MSH3: variants seen among roughly 807,000 people sequenced by gnomAD.
MSH3 encodes DNA mismatch repair protein Msh3.
A neutral mutation model predicts 123.3 loss-of-function variants in MSH3; 106 were observed. That is an observed-to-expected ratio of 0.86 (90% confidence interval 0.73 to 1.01). MSH3 has a LOEUF of 1.01. Ranked by LOEUF, MSH3 falls within the 50% of genes least tolerant of loss-of-function variation. MSH3 has a pLI of 0.00. For missense variants in MSH3, 1,459 were observed against 1,347.6 expected (o/e 1.08, Z -1.29); for synonymous variants, 515 against 481.4 (o/e 1.07, Z -0.91).
intron 2 of MSH3, among the ~76,000 whole-genome samples, chr5:80,659,182 C>G (rs185688058): frequency 1.3e-5 from 2 of 150,954 alleles, no homozygotes; most frequent in East Asian, 3.9e-4. Flanking sequence ...TGTAGTGAGC[C>G]GAGATCGTGC....
intron 20 of MSH3, among the ~76,000 whole-genome samples, chr5:80,826,510 A>G (rs775318446): frequency 2.6e-5 from 4 of 152,082 alleles, no homozygotes; most frequent in Non-Finnish European, 4.4e-5. Context: ...AAGAAGAAGT[A>G]AATGGATGAA....
At chr5:80,849,159 C>T (rs935777759) in intron 20 of MSH3, among the ~76,000 whole-genome samples, 1 of 152,220 alleles carries the variant, frequency 6.6e-6, no homozygotes, top group African/African-American at 2.4e-5. Context: ...CCATGCCTCA[C>T]ATCCAGGTCA....
chr5:80,678,435 T>C (rs1416220256), intron 7 of MSH3, among the ~76,000 whole-genome samples: 1 of 152,274 alleles, frequency 6.6e-6, no homozygotes, highest in Non-Finnish European at 1.5e-5. Context: ...GTTACTTTGA[T>C]GTATGAAGTA....
At chr5:80,699,123 A>G (rs912229265) in intron 8 of MSH3, among the ~76,000 whole-genome samples, 4 of 152,320 alleles carry the variant, frequency 2.6e-5, no homozygotes, top group African/African-American at 9.6e-5. Flanking sequence ...AGCACCTATC[A>G]AAGTAGCTCA....
intron 12 of MSH3, among the ~76,000 whole-genome samples, chr5:80,745,355 T>C (rs1348478032): frequency 6.6e-6 from 1 of 152,204 alleles, no homozygotes; most frequent in African/African-American, 2.4e-5. Flanking sequence ...GCCTGGCACT[T>C]AGTAGAAGCC....
At chr5:80,764,282 A>G (rs1744087741) in intron 13 of MSH3, among the ~76,000 whole-genome samples, 1 of 152,258 alleles carries the variant, frequency 6.6e-6, no homozygotes, top group African/African-American at 2.4e-5. Flanking sequence ...GTTTTGTGGA[A>G]CGTGCCCTGG....
At position 80,787,626 on chromosome 5, in the gene MSH3, T is replaced by C; in HGVS notation, c.2497T>C (p.Cys833Arg). The C allele has an allele frequency of 6.2e-7, 1 of 1,613,994 alleles. No individual in the cohort carries two copies. The highest frequency in any genetic ancestry group is 1.1e-5 in the South Asian group (1 of 91,086). Residue 833 changes from cysteine to arginine, a missense_variant, in exon 18 of 24, where the codon TGC becomes CGC. Cys to Arg is a radical substitution (Grantham distance 180, BLOSUM62 -3). Transcript: ENST00000265081. Reference sequence around the variant, plus strand: ...AGTGCATCACCTAGCAACTGTTGACTGCATTTTCTCCCTGGCCAAGGTCGC... The same window carrying C: ...AGTGCATCACCTAGCAACTGTTGACCGCATTTTCTCCCTGGCCAAGGTCGC... ...KAVHHLATVD[C>R]IFSLAKVAKQ...
intron 12 of MSH3, among the ~76,000 whole-genome samples, chr5:80,752,739 T>C (rs999108142): frequency 2.0e-5 from 3 of 152,158 alleles, no homozygotes; most frequent in African/African-American, 7.2e-5. Flanking sequence ...TACCAAAAAA[T>C]TGGAAGCAGT....
At chr5:80,764,837 G>C (rs1344092424) in intron 13 of MSH3, among the ~76,000 whole-genome samples, 2 of 152,196 alleles carry the variant, frequency 1.3e-5, no homozygotes, top group Non-Finnish European at 2.9e-5. Context: ...ATGTTGAGGA[G>C]AGTGTTTTCA....
intron 14 of MSH3, 59 bp downstream of exon 14, chr5:80,768,179 C>T (rs1744156523): frequency 6.9e-7 from 1 of 1,445,316 alleles, no homozygotes; most frequent in Admixed American, 1.7e-5. Flanking sequence ...AGTGCATTTG[C>T]CATTTATTTG....
intron 20 of MSH3, among the ~76,000 whole-genome samples, chr5:80,839,389 T>C (rs2112088533): frequency 6.6e-6 from 1 of 152,258 alleles, no homozygotes; most frequent in African/African-American, 2.4e-5. Flanking sequence ...ATAAATTTGC[T>C]ACTTATATGT....
At chr5:80,693,106 C>T (rs1750356073) in intron 8 of MSH3, among the ~76,000 whole-genome samples, 1 of 129,820 alleles carries the variant, frequency 7.7e-6, no homozygotes, top group Admixed American at 7.8e-5. Flanking sequence ...TATACATGCA[C>T]ATGTATGTTT....
chr5:80,809,427 TATAA>T (rs1744967627), intron 19 of MSH3, among the ~76,000 whole-genome samples: 1 of 152,208 alleles, frequency 6.6e-6, no homozygotes, highest in African/African-American at 2.4e-5. Context: ...GAACAATAAG[TATAA>T]ATACTCTTAT....
intron 8 of MSH3, among the ~76,000 whole-genome samples, chr5:80,705,278 C>T (rs1448202066): frequency 1.3e-5 from 2 of 152,160 alleles, no homozygotes; most frequent in Non-Finnish European, 2.9e-5. Context: ...AGGTTCTAAT[C>T]TTAGCTGTAC....
chr5:80,873,055 T>C (rs980863561), intron 22 of MSH3, 61 bp from the exon 23 acceptor site: 1 of 1,423,902 alleles, frequency 7.0e-7, no homozygotes, highest in African/African-American at 1.4e-5. Flanking sequence ...ATGTCCTTTT[T>C]AATCCTCTAA....
intron 4 of MSH3, 27 bp downstream of exon 4, chr5:80,670,336 T>A (rs754290393): frequency 4.1e-5 from 65 of 1,599,038 alleles, no homozygotes; most frequent in Non-Finnish European, 5.4e-5. Flanking sequence ...GGCACTATTT[T>A]ATATTTTTCT....
At chr5:80,770,270 ATTTTT>A (rs62892161) in intron 15 of MSH3, among the ~76,000 whole-genome samples, 1 of 144,100 alleles carries the variant, frequency 6.9e-6, no homozygotes, top group Admixed American at 6.9e-5. Flanking sequence ...TTTCTACTAC[ATTTTT>A]TTTTTTTTTT....
At chr5:80,837,244 C>T (rs1285981249) in intron 20 of MSH3, among the ~76,000 whole-genome samples, 4 of 152,210 alleles carry the variant, frequency 2.6e-5, no homozygotes, top group South Asian at 2.1e-4. Flanking sequence ...GGAACAGCTT[C>T]GACCAAAGAG....
intron 8 of MSH3, among the ~76,000 whole-genome samples, chr5:80,691,864 CATG>C (rs547612903): frequency 3.7e-4 from 52 of 142,388 alleles, no homozygotes; most frequent in Non-Finnish European, 5.5e-4. Flanking sequence ...TATAGCTAAA[CATG>C]TATGTTTATA....
Sources: gnomAD v4.1 joint callset for allele counts (sites outside exome capture counted in the v4.1 genomes callset) on GRCh38, gnomAD v4.1.1 for gene constraint, MANE v1.5 for transcripts, NCBI Gene and HGNC (gene_info 2026-07-23, HGNC 2026-07-21) for gene names.